The following RCAN2 variants were observed in gnomAD, a reference collection of about 807,000 sequenced individuals.
RCAN2 encodes calcipressin-2.
A neutral mutation model predicts 23.6 loss-of-function variants in RCAN2; 9 were observed. The observed-to-expected ratio is 0.38, with a 90% CI of 0.23 to 0.67. The LOEUF is 0.67. Ranked by LOEUF, RCAN2 falls within the 30% of genes least tolerant of loss-of-function variation. The pLI is 0.51. For synonymous variants in RCAN2, 109 were observed against 115.7 expected (o/e 0.94, Z 0.37); for missense variants, 273 against 302.3 (o/e 0.90, Z 0.72).
chr6:46,236,428 ATC>A (rs1378848385), intron 4 of RCAN2, among the ~76,000 whole-genome samples: 1 of 145,206 alleles, frequency 6.9e-6, no homozygotes, highest in East Asian at 2.0e-4. Flanking sequence ...TTTTAATGAG[ATC>A]TCTGATTTTC....
At chr6:46,447,938 A>G (rs1767762335) in intron 2 of RCAN2, among the ~76,000 whole-genome samples, 1 of 151,824 alleles carries the variant, frequency 6.6e-6, no homozygotes, top group South Asian at 2.1e-4. Flanking sequence ...AAGGAATTAA[A>G]AAGAAAAGAA....
At chr6:46,459,237 G>A (rs964393338) in intron 1 of RCAN2, among the ~76,000 whole-genome samples, 21 of 152,122 alleles carry the variant, frequency 1.4e-4, no homozygotes, top group Admixed American at 1.3e-3. Flanking sequence ...TCATTCAGCA[G>A]CATACAAATA....
At chr6:46,406,923 G>A (rs1338989540) in intron 2 of RCAN2, among the ~76,000 whole-genome samples, 2 of 152,194 alleles carry the variant, frequency 1.3e-5, no homozygotes, top group African/African-American at 4.8e-5. Flanking sequence ...ACAATTATGT[G>A]CTGGGCGATT....
At chr6:46,325,410 T>A in intron 2 of RCAN2, 1 of 1,614,170 alleles carries the variant, frequency 6.2e-7, no homozygotes, top group Non-Finnish European at 8.5e-7. Flanking sequence ...TCCTGATTGG[T>A]AAAGACCTCG....
At chr6:46,440,025 T>C (rs1168228388) in intron 2 of RCAN2, among the ~76,000 whole-genome samples, 1 of 152,112 alleles carries the variant, frequency 6.6e-6, no homozygotes, top group African/African-American at 2.4e-5. Flanking sequence ...CAAAAAGTAA[T>C]CTATTTGAGG....
At chr6:46,372,284 G>A (rs1485520320) in intron 2 of RCAN2, among the ~76,000 whole-genome samples, 1 of 152,192 alleles carries the variant, frequency 6.6e-6, no homozygotes, top group East Asian at 1.9e-4. Context: ...ACTAGGTTCT[G>A]TGTTACACAT....
chr6:46,288,221 TAATAAAA>T (rs1762433056), intron 2 of RCAN2, among the ~76,000 whole-genome samples: 1 of 152,234 alleles, frequency 6.6e-6, no homozygotes, highest in South Asian at 2.1e-4. Context: ...TGGGAAGACC[TAATAAAA>T]ACCAGTCAAC....
At chr6:46,279,276 T>A (rs1388553302) in intron 2 of RCAN2, among the ~76,000 whole-genome samples, 1 of 152,192 alleles carries the variant, frequency 6.6e-6, no homozygotes, top group African/African-American at 2.4e-5. Context: ...TGATGGACAT[T>A]TGTGGGTACA....
At chr6:46,458,680 T>C (rs1727434085) in intron 1 of RCAN2, among the ~76,000 whole-genome samples, 1 of 152,162 alleles carries the variant, frequency 6.6e-6, no homozygotes, top group South Asian at 2.1e-4. Context: ...ATAGCATTAA[T>C]ATAAAGGGAA....
chr6:46,371,149 A>G (rs2150388959), intron 2 of RCAN2, among the ~76,000 whole-genome samples: 1 of 152,300 alleles, frequency 6.6e-6, no homozygotes, highest in South Asian at 2.1e-4. Flanking sequence ...GATTAATTAT[A>G]ACTAAAGATA....
At chr6:46,268,084 C>T (rs1421310791) in intron 2 of RCAN2, among the ~76,000 whole-genome samples, 3 of 152,194 alleles carry the variant, frequency 2.0e-5, no homozygotes, top group Non-Finnish European at 2.9e-5. Flanking sequence ...CAGTTAGTGA[C>T]TCTCTTAATT....
intron 1 of RCAN2, among the ~76,000 whole-genome samples, chr6:46,458,973 C>T (rs947262345): frequency 6.6e-6 from 1 of 152,364 alleles, no homozygotes; most frequent in East Asian, 1.9e-4. Context: ...CTCACTGCAA[C>T]CTCCACCTCC....
chr6:46,418,368 C>T (rs962133107), intron 2 of RCAN2, among the ~76,000 whole-genome samples: 1 of 152,172 alleles, frequency 6.6e-6, no homozygotes, highest in African/African-American at 2.4e-5. Context: ...GCCCTCTAAT[C>T]ATTAAAGCTG....
intron 2 of RCAN2, among the ~76,000 whole-genome samples, chr6:46,451,573 T>C (rs1002848177): frequency 6.6e-6 from 1 of 152,042 alleles, no homozygotes; most frequent in Non-Finnish European, 1.5e-5. Flanking sequence ...CAAACTAGAG[T>C]GAGGGGAACT....
At chr6:46,392,287 G>T (rs1765960637) in intron 2 of RCAN2, among the ~76,000 whole-genome samples, 1 of 152,150 alleles carries the variant, frequency 6.6e-6, no homozygotes, top group South Asian at 2.1e-4. Context: ...GGATTTATAA[G>T]TCTTGGTATG....
chr6:46,399,363 A>G (rs1766182753), intron 2 of RCAN2, among the ~76,000 whole-genome samples: 1 of 151,312 alleles, frequency 6.6e-6, no homozygotes, highest in Non-Finnish European at 1.5e-5. Flanking sequence ...TTTGTGAGGT[A>G]TTTGCATTTT....
At chr6:46,330,195 C>G (rs1051278714) in intron 2 of RCAN2, among the ~76,000 whole-genome samples, 6 of 152,306 alleles carry the variant, frequency 3.9e-5, no homozygotes, top group African/African-American at 1.4e-4. Context: ...TAGTCACTCT[C>G]AGAGTGTGGT....
intron 1 of RCAN2, among the ~76,000 whole-genome samples, chr6:46,482,091 T>C (rs1268966856): frequency 6.6e-6 from 1 of 152,034 alleles, no homozygotes; most frequent in Non-Finnish European, 1.5e-5. Context: ...GGGAAAAAAC[T>C]GTTATCTTAA....
At chr6:46,443,463 C>T (rs1182921016) in intron 2 of RCAN2, among the ~76,000 whole-genome samples, 2 of 151,968 alleles carry the variant, frequency 1.3e-5, no homozygotes, top group Non-Finnish European at 2.9e-5. Context: ...GTATTTATTA[C>T]AGTAACATAA....
Sources: allele counts gnomAD v4.1 joint callset (sites outside exome capture counted in the v4.1 genomes callset), GRCh38; gene constraint gnomAD v4.1.1; transcripts MANE v1.5; gene names NCBI Gene and HGNC (gene_info 2026-07-23, HGNC 2026-07-21).